EPDR1: variants seen among roughly 807,000 people sequenced by gnomAD.
EPDR1 encodes the protein ependymin related 1, also known as mammalian ependymin-related protein 1.
EPDR1 carries 27 observed loss-of-function variants against 23.7 expected under a neutral mutation model. The ratio of observed to expected loss-of-function variants is 1.14; its 90% CI spans 0.84 to 1.57. EPDR1 has a LOEUF of 1.57. EPDR1 is among the 40% of genes most tolerant of loss of function. EPDR1 has a pLI of 0.00. For synonymous variants in EPDR1, 137 were observed against 118.2 expected (o/e 1.16, Z -1.03); for missense variants, 349 against 290.4 (o/e 1.20, Z -1.47).
rs768217022 is a variant in EPDR1 at position 37,950,221 on chromosome 7, A to G, written c.500A>G (p.Tyr167Cys). The G allele has an allele frequency of 3.1e-6, 5 of 1,612,612 alleles. No individual in the cohort carries two copies. The African/African-American group carries it at 5.3e-5, about 17-fold the overall frequency. Reference protein sequence around the residue: ...ARSYETWIGIYTVKDCYPVQE... With the variant: ...ARSYETWIGICTVKDCYPVQE... ...ATAGATGAAACCTGGATTGGCATCTATACAGTCAAGGATTGCTATCCTGTC... is the reference window on the plus strand; with the variant it reads ...ATAGATGAAACCTGGATTGGCATCTGTACAGTCAAGGATTGCTATCCTGTC... The change falls in exon 3 of 3, where the codon TAT (tyrosine) becomes TGT (cysteine). Residue 167 changes from tyrosine (Y) to cysteine (C), a missense_variant. Physicochemically the swap from Tyr to Cys is radical, Grantham distance 194. Coordinates refer to ENST00000199448, the MANE Select transcript of EPDR1 (RefSeq NM_017549.5).
intron 1 of EPDR1, among the ~76,000 whole-genome samples, chr7:37,924,490 T>C: frequency 6.6e-6 from 1 of 152,190 alleles, no homozygotes; most frequent in South Asian, 2.1e-4. Flanking sequence ...CTTCCATGAC[T>C]CCATGACTGA....
chr7:37,944,550 G>A (rs1017524065), intron 1 of EPDR1, among the ~76,000 whole-genome samples: 12 of 152,192 alleles, frequency 7.9e-5, no homozygotes, highest in African/African-American at 1.9e-4. Flanking sequence ...GACTCACAGT[G>A]GCAGAAGAAG....
intron 1 of EPDR1, chr7:37,926,873 T>G (rs1785824163): frequency 3.2e-6 from 1 of 311,004 alleles, no homozygotes; most frequent in Non-Finnish European, 6.7e-6. Flanking sequence ...TCTTCTGAAT[T>G]ATACTTTATT....
intron 1 of EPDR1, among the ~76,000 whole-genome samples, chr7:37,929,788 GC>G (rs1446278677): frequency 6.6e-6 from 1 of 152,148 alleles, no homozygotes; most frequent in Non-Finnish European, 1.5e-5. Flanking sequence ...GAGAGTGGAT[GC>G]CCCAAACTCC....
At chr7:37,923,753 T>C (rs1383355696) in intron 1 of EPDR1, among the ~76,000 whole-genome samples, 1 of 152,122 alleles carries the variant, frequency 6.6e-6, no homozygotes, top group Non-Finnish European at 1.5e-5. Context: ...TATGGGTCTT[T>C]GGGTAAGTTA....
chr7:37,948,762 C>A, intron 1 of EPDR1, 78 bp from the exon 2 acceptor site: 1 of 1,069,676 alleles, frequency 9.3e-7, no homozygotes, highest in Non-Finnish European at 1.4e-6. Context: ...TAATATCTAT[C>A]AAAGGTGTTT....
Position 37,950,432 on chromosome 7 carries a change from G to GC in EPDR1, c.*41dup. On this transcript the variant is annotated 3_prime_UTR_variant, in exon 3 of 3. Transcript: ENST00000199448. ...AGGGAAGCGGCAGCATCGGATGTCA[G>GC]CCCCCTGCGGCCCCAGCTGGAGATG... The GC allele has an allele frequency of 6.5e-7, 1 of 1,537,592 alleles. No homozygotes were observed. Among genetic ancestry groups the GC allele is most frequent in the Non-Finnish European group, 8.8e-7 (1 of 1,134,624 alleles).
rs772444028 is a variant in EPDR1, at chr7:37,920,680, TGGCAGCAGGCA to T, written c.-258_-248del. 4 of 1,590,242 alleles carry T rather than the reference TGGCAGCAGGCA, an allele frequency of 2.5e-6. No individual in the cohort carries two copies. Among genetic ancestry groups the T allele is most frequent in the African/African-American group, 2.7e-5 (2 of 74,518 alleles). The stretch of plus-strand genomic sequence containing the variant: ...GGCAGAAGGCAGTGGCAGCAGGCAG[TGGCAGCAGGCA>T]GTGGCCCAGGCAGAAATAGCTCCCG... On this transcript the variant is annotated 5_prime_UTR_variant, in exon 1 of 3. Transcript: ENST00000199448.
chr7:37,925,546 G>A (rs1583661755), intron 1 of EPDR1, among the ~76,000 whole-genome samples: 1 of 152,188 alleles, frequency 6.6e-6, no homozygotes, highest in Non-Finnish European at 1.5e-5. Context: ...TCTTGGAGAA[G>A]AGAATAGCAT....
Position 37,950,414 on chromosome 7 carries a change from C to A in EPDR1, c.*18C>A, listed in dbSNP as rs113263924. 3.8e-6 allele frequency: 6 copies of A among 1,589,918 alleles called. No individual in the cohort carries two copies. Among genetic ancestry groups the A allele is most frequent in the Non-Finnish European group, 5.1e-6 (6 of 1,165,184 alleles). On this transcript the variant is annotated 3_prime_UTR_variant, in exon 3 of 3. Transcript: ENST00000199448. ...CCTGGTGAGCCTGTGCATAGGGAAG[C>A]GGCAGCATCGGATGTCAGCCCCCTG... is the stretch of plus-strand genomic sequence containing the variant.
Position 37,929,448 on chromosome 7 carries a change from C to G in EPDR1, c.269+8240C>G, listed in dbSNP as rs76980728. On this transcript the variant is annotated intron_variant, in intron 1 of 2. Coordinates refer to ENST00000199448, the MANE Select transcript of EPDR1 (RefSeq NM_017549.5). ...TTCTGATGTCGGAGAAGGCGATTCC[C>G]AAGCTCCATTTTCTAACTGCTAAGA... Among the ~76,000 whole-genome samples the G allele has an allele frequency of 2.9e-3, 448 of 152,292 alleles. 13 individuals carry two copies. The South Asian group carries it at 0.057, about 20-fold the overall frequency.
rs201453783 is a variant in EPDR1, at chr7:37,950,306, G to T, written c.585G>T (p.Gln195His). The T allele has an allele frequency of 3.7e-6, 6 of 1,613,978 alleles. No homozygotes were observed. The highest frequency in any genetic ancestry group is 4.2e-6 in the Non-Finnish European group (5 of 1,179,976). ...VILSTRFFDI[Q>H]LGIKDPSVFT... is the part of the protein sequence containing the mutation. ...TGTCTACGCGGTTTTTTGACATCCA[G>T]CTGGGTATTAAAGACCCCTCGGTGT... Residue 195 changes from glutamine (Q) to histidine (H), a missense_variant, in exon 3 of 3, where the codon CAG (glutamine) becomes CAT (histidine). By Grantham distance (24) the Gln-to-His change is conservative (BLOSUM62 0). Transcript: ENST00000199448.
chr7:37,945,439 C>T (rs1786254727), intron 1 of EPDR1, among the ~76,000 whole-genome samples: 1 of 152,132 alleles, frequency 6.6e-6, no homozygotes, highest in Admixed American at 6.5e-5. Context: ...AAAATGATGT[C>T]ATGTTTATAT....
At chr7:37,947,742 G>A (rs1451807044) in intron 1 of EPDR1, among the ~76,000 whole-genome samples, 1 of 152,190 alleles carries the variant, frequency 6.6e-6, no homozygotes, top group Non-Finnish European at 1.5e-5. Flanking sequence ...ACAGTGAAAT[G>A]CATAGAAACA....
At chr7:37,949,099 AAAGGTTTAAGTCCTTT>A in intron 2 of EPDR1, 51 bp downstream of exon 2, 1 of 1,567,682 alleles carries the variant, frequency 6.4e-7, no homozygotes, top group Non-Finnish European at 8.8e-7. Context: ...TGATGGGGAA[AAAGGTTTAAGTCCTTT>A]AAGGAAGGTA....
chr7:37,949,494 G>A (rs529892271), intron 2 of EPDR1, among the ~76,000 whole-genome samples: 6 of 152,164 alleles, frequency 3.9e-5, no homozygotes, highest in East Asian at 1.9e-4. Flanking sequence ...GCTGATATAC[G>A]CCTATCCCAA....
At chr7:37,923,890 G>A (rs990384425) in intron 1 of EPDR1, among the ~76,000 whole-genome samples, 2 of 152,134 alleles carry the variant, frequency 1.3e-5, no homozygotes, top group Non-Finnish European at 2.9e-5. Context: ...ATGTCTGATA[G>A]TACGCACAAG....
intron 1 of EPDR1, among the ~76,000 whole-genome samples, chr7:37,945,489 T>TG (rs1786255909): frequency 6.6e-6 from 1 of 152,208 alleles, no homozygotes; most frequent in Non-Finnish European, 1.5e-5. Context: ...ATACGGCTAC[T>TG]AATAATACAA....
At chr7:37,926,823 A>C in intron 1 of EPDR1, 1 of 411,406 alleles carries the variant, frequency 2.4e-6, no homozygotes, top group Non-Finnish European at 5.0e-6. Flanking sequence ...TTTGGTAGGG[A>C]AATATTTTAA....
Sources: gnomAD v4.1 joint callset for allele counts (sites outside exome capture counted in the v4.1 genomes callset) on GRCh38, gnomAD v4.1.1 for gene constraint, MANE v1.5 for transcripts, NCBI Gene and HGNC (gene_info 2026-07-23, HGNC 2026-07-21) for gene names.